Variants in CCDC3 observed in about 807,000 individuals in gnomAD.
CCDC3 encodes the protein coiled-coil domain-containing protein 3.
A neutral mutation model predicts 21.4 loss-of-function variants in CCDC3; 24 were observed. The observed-to-expected ratio is 1.12, with a 90% confidence interval of 0.81 to 1.58. The LOEUF (loss-of-function observed/expected upper bound fraction) is 1.58. Ranked by LOEUF, CCDC3 falls within the 40% of genes most tolerant of loss-of-function variation. CCDC3 has a pLI of 0.00. For missense variants in CCDC3, 425 were observed against 360.9 expected, an observed-to-expected ratio of 1.18 and a Z score of -1.44; for synonymous variants, 186 against 166.0, an observed-to-expected ratio of 1.12 and a Z score of -0.93.
intron 2 of CCDC3, among the ~76,000 whole-genome samples, chr10:12,931,444 C>T (rs1480688777): frequency 6.6e-6 from 1 of 152,168 alleles, no homozygotes; most frequent in Non-Finnish European, 1.5e-5. Flanking sequence ...CTTGTATTGA[C>T]CCTTCTGAAT....
At chr10:12,938,875 G>C (rs1022977422) in intron 2 of CCDC3, among the ~76,000 whole-genome samples, 1 of 152,168 alleles carries the variant, frequency 6.6e-6, no homozygotes, top group African/African-American at 2.4e-5. Flanking sequence ...ATGGGTGAAT[G>C]AATCAAGGAT....
rs528611241 is a variant in CCDC3 at position 13,049,302 on chromosome 10, G to A, written c.-2+372C>T. Among the ~76,000 whole-genome samples the A allele has an allele frequency of 4.3e-4, 66 of 152,238 alleles. 1 individual carries two copies. Among genetic ancestry groups the A allele is most frequent in the African/African-American group, 1.5e-3 (62 of 41,544 alleles). On this transcript the variant is annotated intron_variant, in intron 5 of 6. Coordinates refer to the CCDC3 transcript ENST00000378839. Reference sequence around the variant, plus strand: ...ACCTGCTGGGGGGAAAAAGCCTGTAGAGCACTTTTTTTTCTTGAAATACAA... The same window carrying A: ...ACCTGCTGGGGGGAAAAAGCCTGTAAAGCACTTTTTTTTCTTGAAATACAA...
In CCDC3 at chr10:13,040,687, TCACACA is replaced by T. The variant is rs10653974; in HGVS notation, c.-2+8981_-2+8986del. ...CCTGGGCAACAAGAGCAAAACTCTGTCACACACACACACACACACACACACACACAC... is the reference window on the plus strand; with the variant it reads ...CCTGGGCAACAAGAGCAAAACTCTGTCACACACACACACACACACACACAC... On this transcript the variant is annotated intron_variant, in intron 5 of 6. Coordinates refer to the CCDC3 transcript ENST00000378839. 0.013 allele frequency among the ~76,000 whole-genome samples: 1,845 copies of T among 142,790 alleles called. 54 individuals are homozygous for T. The East Asian group carries it at 0.13, about 10-fold the overall frequency. The allele number at this position is 142,790 out of a possible 152,430, so 93.7% of individuals were successfully genotyped here.
intron 3 of CCDC3, among the ~76,000 whole-genome samples, chr10:13,077,344 T>C (rs865875759): frequency 1.4e-4 from 22 of 152,288 alleles, no homozygotes; most frequent in African/African-American, 5.3e-4. Flanking sequence ...AAACCACTGC[T>C]GAACGAAATA....
intron 5 of CCDC3, among the ~76,000 whole-genome samples, chr10:13,016,910 G>T (rs942179165): frequency 6.6e-6 from 1 of 151,942 alleles, no homozygotes; most frequent in Non-Finnish European, 1.5e-5. Context: ...TATTTAGCCC[G>T]AATGACCCAG....
chr10:13,066,749 G>C lies in CCDC3; in HGVS notation c.-270+7119C>G, dbSNP rs559476005. On this transcript the variant is annotated intron_variant, in intron 4 of 6. Coordinates refer to the CCDC3 transcript ENST00000378839. Reference sequence around the variant, plus strand: ...CTGCCCACACGTGCACTGGGGGAACGGGGTGGAGCCACAGGCAGCGGGAGG... The same window carrying C: ...CTGCCCACACGTGCACTGGGGGAACCGGGTGGAGCCACAGGCAGCGGGAGG... 2.6e-3 allele frequency among the ~76,000 whole-genome samples: 393 copies of C among 152,296 alleles called. 2 individuals are homozygous for C. The highest frequency in any genetic ancestry group is 8.7e-3 in the African/African-American group (362 of 41,566).
At chr10:13,095,951 T>G (rs1288549353) in intron 3 of CCDC3, among the ~76,000 whole-genome samples, 1 of 152,148 alleles carries the variant, frequency 6.6e-6, no homozygotes, top group Admixed American at 6.5e-5. Flanking sequence ...CAACTACTGG[T>G]CTGATTTCTG....
At chr10:13,053,742 A>C (rs925662158) in intron 4 of CCDC3, among the ~76,000 whole-genome samples, 10 of 152,140 alleles carry the variant, frequency 6.6e-5, no homozygotes, top group Admixed American at 2.6e-4. Context: ...GCTCACCCCA[A>C]AATGGACGAG....
chr10:13,043,664 G>A (rs544269327), intron 5 of CCDC3, among the ~76,000 whole-genome samples: 67 of 152,222 alleles, frequency 4.4e-4, no homozygotes, highest in Non-Finnish European at 8.4e-4. Flanking sequence ...CTCCACCCAC[G>A]TTGCTGCAAA....
chr10:13,045,202 C>T (rs548597237), intron 5 of CCDC3, among the ~76,000 whole-genome samples: 13 of 152,158 alleles, frequency 8.5e-5, no homozygotes, highest in East Asian at 7.7e-4. Context: ...TAATTATCTA[C>T]GACAAAAGCA....
intron 2 of CCDC3, among the ~76,000 whole-genome samples, chr10:12,919,752 T>G (rs1589005277): frequency 7.2e-5 from 10 of 139,438 alleles, no homozygotes; most frequent in South Asian, 2.7e-4. Context: ...GTGCCCGGGG[T>G]GGGTGGGGGG....
intron 5 of CCDC3, among the ~76,000 whole-genome samples, chr10:13,007,468 T>C (rs1021971896): frequency 6.6e-6 from 1 of 152,178 alleles, no homozygotes; most frequent in Non-Finnish European, 1.5e-5. Flanking sequence ...TTCTGCCCAC[T>C]TTGGTTCTGC....
intron 2 of CCDC3, among the ~76,000 whole-genome samples, chr10:12,971,164 A>T (rs1190985795): frequency 6.6e-6 from 1 of 152,004 alleles, no homozygotes; most frequent in South Asian, 2.1e-4. Context: ...GTCCCCAGGG[A>T]CTCATGAGCT....
At chr10:12,994,333 G>C (rs1337297761) in intron 2 of CCDC3, among the ~76,000 whole-genome samples, 1 of 151,868 alleles carries the variant, frequency 6.6e-6, no homozygotes, top group East Asian at 1.9e-4. Flanking sequence ...GGGAGACAGA[G>C]GCTGCAGTAA....
At chr10:13,048,350 C>T (rs559327215) in intron 5 of CCDC3, among the ~76,000 whole-genome samples, 123 of 151,420 alleles carry the variant, frequency 8.1e-4, no homozygotes, top group Middle Eastern at 3.5e-3. Flanking sequence ...CACCACCACA[C>T]CTGGCTAATT....
chr10:12,935,123 C>T lies in CCDC3; in HGVS notation c.550-36444G>A, dbSNP rs148517600. 3.2e-3 allele frequency among the ~76,000 whole-genome samples: 491 copies of T among 152,154 alleles called. 3 individuals are homozygous for T. The highest frequency in any genetic ancestry group is 0.011 in the African/African-American group (464 of 41,498). On this transcript the variant is annotated intron_variant, in intron 2 of 2. Transcript: ENST00000378825. ...CCCTTGCTGGTCTCAAGCAATCCTC[C>T]CACATCAGCCTTCCAAAGTGTTGGG...
At position 13,044,930 on chromosome 10, in the gene CCDC3, T is replaced by G. The variant is rs644268; in HGVS notation, c.-2+4744A>C. On this transcript the variant is annotated intron_variant, in intron 5 of 6. Transcript: ENST00000378839. Reference sequence around the variant, plus strand: ...TCTTCCAATTCATGAGCATTGGAAGTTTTTCCATTTGTTTGTGTCATCTAT... The same window carrying G: ...TCTTCCAATTCATGAGCATTGGAAGGTTTTCCATTTGTTTGTGTCATCTAT... Among the ~76,000 whole-genome samples the G allele has an allele frequency of 5.2e-3, 792 of 152,270 alleles. 12 individuals are homozygous for G. The highest frequency in any genetic ancestry group is 0.018 in the African/African-American group (753 of 41,542).
chr10:12,982,727 G>A (rs1462066202), intron 2 of CCDC3, among the ~76,000 whole-genome samples: 2 of 147,492 alleles, frequency 1.4e-5, no homozygotes, highest in Non-Finnish European at 1.5e-5. Flanking sequence ...CTAGGAGGTG[G>A]AGGTTGCAGT....
chr10:12,964,095 G>T (rs4748015), intron 2 of CCDC3, among the ~76,000 whole-genome samples: 1 of 151,922 alleles, frequency 6.6e-6, no homozygotes, highest in African/African-American at 2.4e-5. Flanking sequence ...TTTTCCAGCC[G>T]GGAGCGGTGG....
Sources: gnomAD v4.1 joint callset for allele counts (sites outside exome capture counted in the v4.1 genomes callset) on GRCh38, gnomAD v4.1.1 for gene constraint, MANE v1.5 for transcripts, NCBI Gene and HGNC (gene_info 2026-07-23, HGNC 2026-07-21) for gene names.